Variants in SYDE2 observed in about 807,000 individuals in gnomAD.
The protein encoded by SYDE2 is rho GTPase-activating protein SYDE2.
SYDE2 carries 76 observed loss-of-function variants against 91.5 expected under a neutral mutation model. The ratio of observed to expected loss-of-function variants is 0.83; its 90% CI spans 0.69 to 1.01. The LOEUF (loss-of-function observed/expected upper bound fraction) is 1.01. SYDE2 is among the 50% of genes least tolerant of loss of function. The pLI, the probability that SYDE2 is intolerant of heterozygous loss-of-function variation, is 0.00. For synonymous variants in SYDE2, 513 were observed against 506.4 expected (o/e 1.01, Z -0.18); for missense variants, 1,364 against 1,367.7 (o/e 1.00, Z 0.04).
chr1:85,160,167 T>A, intron 6 of SYDE2: 1 of 985,162 alleles, frequency 1.0e-6, no homozygotes, highest in Non-Finnish European at 1.2e-6. Context: ...CCTTCCTATT[T>A]CCCTGCACTA....
intron 5 of SYDE2, among the ~76,000 whole-genome samples, chr1:85,167,386 C>G (rs971191661): frequency 6.6e-6 from 1 of 152,146 alleles, no homozygotes; most frequent in African/African-American, 2.4e-5. Flanking sequence ...CACTCAAAAT[C>G]TAAATATACA....
At chr1:85,152,622 T>C (rs946259226), downstream of SYDE2, 2 of 152,242 alleles carry the variant, frequency 1.3e-5, no homozygotes, top group East Asian at 3.8e-4. Context: ...CAGTTATTCA[T>C]TGATTAACAA....
At chr1:85,163,687 C>G (rs1657160003) in intron 6 of SYDE2, among the ~76,000 whole-genome samples, 1 of 151,822 alleles carries the variant, frequency 6.6e-6, no homozygotes, top group Non-Finnish European at 1.5e-5. Context: ...GAACCCAAAC[C>G]TGACCCCGGG....
chr1:85,182,920 A>T lies in SYDE2; in HGVS notation c.1722T>A (p.Ile574=), dbSNP rs201088686. 2 of 1,613,748 alleles carry T rather than the reference A, an allele frequency of 1.2e-6. No individual in the cohort carries two copies. Among genetic ancestry groups the T allele is most frequent in the Non-Finnish European group, 1.7e-6 (2 of 1,179,822 alleles). ...YNCREVHHTD[I]LPSGNTTTAA... is the part of the protein sequence containing the mutation. ...CGGTGGTTGTGTTCCCAGAGGGCAG[A>T]ATATCAGTATGATGAACTTCTCGGC... The change falls in exon 3 of 7, where the codon ATT becomes ATA. Residue 574 remains isoleucine (I), a synonymous_variant. Transcript: ENST00000341460.
At chr1:85,168,344 A>G (rs1657372270) in intron 5 of SYDE2, among the ~76,000 whole-genome samples, 1 of 152,182 alleles carries the variant, frequency 6.6e-6, no homozygotes, top group Admixed American at 6.6e-5. Context: ...TCTACCCACT[A>G]ATTCTTGCTC....
At position 85,178,142 on chromosome 1, in the gene SYDE2, T is replaced by C. The variant is rs779244319; in HGVS notation, c.2671+4A>G. ...GAGTACATAAAATAAAATCTATTTA[T>C]TACCTGTTATTACATTTATATCTGG... On this transcript the variant is annotated splice_donor_region_variant and intron_variant, in intron 4 of 6. Coordinates refer to ENST00000341460, the MANE Select transcript of SYDE2 (RefSeq NM_032184.2). 1.7e-5 allele frequency: 27 copies of C among 1,560,012 alleles called. No individual in the cohort carries two copies. The highest frequency in any genetic ancestry group is 2.1e-5 in the Non-Finnish European group (24 of 1,150,620).
chr1:85,200,560 CCTGGAGG>C lies in SYDE2; in HGVS notation c.430_436del (p.Pro144AlafsTer21), dbSNP rs1658786900. On this transcript the variant is annotated frameshift_variant, in exon 1 of 7. Coordinates refer to ENST00000341460, the MANE Select transcript of SYDE2 (RefSeq NM_032184.2). LOFTEE classifies it high-confidence loss of function. ...CGAGGAGCAGCCGTGGTCCTTGCAG[CCTGGAGG>C]CTGGAGGCCGGTGGGTGCAGCCGCC... 3 of 1,606,624 alleles carry C rather than the reference CCTGGAGG, an allele frequency of 1.9e-6. No individual in the cohort carries two copies. The highest frequency in any genetic ancestry group is 1.1e-5 in the South Asian group (1 of 90,794).
chr1:85,196,903 T>C (rs933798502), intron 1 of SYDE2, among the ~76,000 whole-genome samples: 33 of 152,176 alleles, frequency 2.2e-4, no homozygotes, highest in African/African-American at 7.2e-4. Context: ...CTTAAAATAA[T>C]TGTCTAAAAA....
chr1:85,171,049 T>C (rs769275146), intron 4 of SYDE2, among the ~76,000 whole-genome samples: 3 of 152,200 alleles, frequency 2.0e-5, no homozygotes, highest in African/African-American at 7.2e-5. Context: ...TGGATACTAG[T>C]GACACTATTT....
In SYDE2 at chr1:85,200,511, C is replaced by A; in HGVS notation, c.486G>T (p.Ala162=). 6.2e-7 allele frequency: 1 copy of A among 1,613,586 alleles called. No individual in the cohort carries two copies. The highest frequency in any genetic ancestry group is 8.5e-7 in the Non-Finnish European group (1 of 1,179,884). The change falls in exon 1 of 7, where the codon GCG becomes GCT. Residue 162 remains alanine (A), a synonymous_variant. Transcript: ENST00000341460. ...TGCCACTGCGTATCACAGAGGACCC[C>A]GCTGGATCCCTGAAAGGGCTTCCCG... ...CSSGSPFRDP[A]GSSVIRSGKG... is the part of the protein sequence containing the mutation.
chr1:85,178,604 A>G (rs1322808832), intron 3 of SYDE2, among the ~76,000 whole-genome samples: 1 of 152,130 alleles, frequency 6.6e-6, no homozygotes, highest in Admixed American at 6.5e-5. Flanking sequence ...CTTTTGTTCT[A>G]GACTGAAGTA....
chr1:85,169,159 A>G lies in SYDE2; in HGVS notation c.2738T>C (p.Val913Ala). The change falls in exon 5 of 7, where the codon GTA becomes GCA. Residue 913 changes from valine (V) to alanine (A), a missense_variant. Val to Ala is a moderately conservative substitution (Grantham distance 64). Coordinates refer to ENST00000341460, the MANE Select transcript of SYDE2 (RefSeq NM_032184.2). ...PLITKQLYEA[V>A]LDAMAKSPLK... ...AGGACTTTTTGCCATTGCATCTAAT[A>G]CAGCCTCATAAAGCTGCTTTGTTAT... 1 of 1,613,926 alleles carries G rather than the reference A, an allele frequency of 6.2e-7. No individual in the cohort carries two copies. The highest frequency in any genetic ancestry group is 1.1e-5 in the South Asian group (1 of 91,080).
At chr1:85,170,506 G>A (rs913520385) in intron 4 of SYDE2, among the ~76,000 whole-genome samples, 1 of 152,122 alleles carries the variant, frequency 6.6e-6, no homozygotes, top group African/African-American at 2.4e-5. Flanking sequence ...AGTATCCTTA[G>A]TTTAAAAATC....
intron 1 of SYDE2, among the ~76,000 whole-genome samples, chr1:85,197,949 C>T (rs566217221): frequency 2.6e-5 from 4 of 152,296 alleles, no homozygotes; most frequent in African/African-American, 4.8e-5. Flanking sequence ...CCACTGCGCC[C>T]GGCCCAGCAA....
rs1008773027 is a variant in SYDE2 at position 85,193,281 on chromosome 1, T to A, written c.746-2529A>T. 6.6e-5 allele frequency among the ~76,000 whole-genome samples: 10 copies of A among 152,368 alleles called. 1 individual carries two copies. The highest frequency in any genetic ancestry group is 2.0e-4 in the Admixed American group (3 of 15,302). On this transcript the variant is annotated intron_variant, in intron 1 of 6. Coordinates refer to ENST00000341460, the MANE Select transcript of SYDE2 (RefSeq NM_032184.2). ...TCACATTTAAGTTCAAATCCAGTAT[T>A]ACTTAACAGTATTTCAGACCTTCAC... is the stretch of plus-strand genomic sequence containing the variant.
chr1:85,198,902 TAC>T (rs1427451218), intron 1 of SYDE2, among the ~76,000 whole-genome samples: 1 of 152,220 alleles, frequency 6.6e-6, no homozygotes, highest in East Asian at 1.9e-4. Flanking sequence ...TAGTATAAAG[TAC>T]ACCTCTCAAC....
intron 2 of SYDE2, among the ~76,000 whole-genome samples, chr1:85,186,653 G>C (rs1414716174): frequency 6.6e-6 from 1 of 151,762 alleles, no homozygotes; most frequent in Admixed American, 6.6e-5. Flanking sequence ...CATGGTACTG[G>C]TACCAAAACA....
At chr1:85,197,218 T>A (rs1658619681) in intron 1 of SYDE2, among the ~76,000 whole-genome samples, 1 of 152,218 alleles carries the variant, frequency 6.6e-6, no homozygotes, top group African/African-American at 2.4e-5. Flanking sequence ...TCGGCCAATC[T>A]GCGAACACTA....
At chr1:85,169,525 C>A (rs1657422843) in intron 4 of SYDE2, among the ~76,000 whole-genome samples, 1 of 151,936 alleles carries the variant, frequency 6.6e-6, no homozygotes, top group South Asian at 2.1e-4. Context: ...TGATTCTGCC[C>A]CCTATAAAAA....
Sources: gnomAD v4.1 joint callset for allele counts (sites outside exome capture counted in the v4.1 genomes callset) on GRCh38, gnomAD v4.1.1 for gene constraint, MANE v1.5 for transcripts, NCBI Gene and HGNC (gene_info 2026-07-23, HGNC 2026-07-21) for gene names.